The following KLRG1 variants were observed in gnomAD, a reference collection of about 807,000 sequenced individuals.
KLRG1 encodes the protein killer cell lectin-like receptor subfamily G member 1.
A neutral mutation model predicts 21.8 loss-of-function variants in KLRG1; 16 were observed. The ratio of observed to expected loss-of-function variants is 0.73; its 90% CI spans 0.50 to 1.11. The LOEUF (loss-of-function observed/expected upper bound fraction) is 1.11. Among genes scored for constraint, KLRG1 ranks in the 50% most tolerant of loss-of-function variants. The pLI is 0.00. For missense variants in KLRG1, 173 were observed against 218.3 expected (o/e 0.79, Z 1.31); for synonymous variants, 69 against 75.9 (o/e 0.91, Z 0.47).
the KLRG1 span, among the ~76,000 whole-genome samples, chr12:9,127,599 C>T: frequency 4.6e-5 from 7 of 152,232 alleles, no homozygotes; most frequent in East Asian, 1.9e-4. Flanking sequence ...ACTTTGGAGT[C>T]GGGGGCGCCT....
At chr12:9,152,465 T>C in the KLRG1 span, among the ~76,000 whole-genome samples, 3 of 152,204 alleles carry the variant, frequency 2.0e-5, no homozygotes, top group African/African-American at 4.8e-5. Context: ...AACACTGACA[T>C]TGGACACATG....
Position 8,992,221 on chromosome 12 carries a change from C to T in KLRG1, c.98C>T (p.Pro33Leu). 1 of 1,613,274 alleles carries T rather than the reference C, an allele frequency of 6.2e-7. No individual in the cohort carries two copies. Residue 33 changes from proline (P) to leucine (L), a missense_variant, in exon 2 of 5, where the codon CCT (proline) becomes CTT (leucine). This residue lies in a region of KLRG1 where 144 missense variants were observed against 161.5 expected (regional missense o/e 0.89). Transcript: ENST00000356986. ...GPQQKSSSSR[P>L]SCSCLVAIAL... is the part of the protein sequence containing the mutation. ...GTTGTTGCAGCTTCCTCTTCCAGGC[C>T]TTCTTGTTCTTGCCTTGTGGCAATA...
the KLRG1 span, among the ~76,000 whole-genome samples, chr12:9,134,800 A>G: frequency 6.6e-6 from 1 of 152,332 alleles, no homozygotes. Flanking sequence ...TGGGATCTTC[A>G]GAGGCTCTGC....
chr12:8,994,726 A>C (rs1947077082), intron 2 of KLRG1, among the ~76,000 whole-genome samples: 1 of 152,244 alleles, frequency 6.6e-6, no homozygotes, highest in Non-Finnish European at 1.5e-5. Context: ...ATATATACAC[A>C]GAGCAAAGAC....
the KLRG1 span, among the ~76,000 whole-genome samples, chr12:9,140,235 G>A: frequency 2.0e-5 from 3 of 152,210 alleles, no homozygotes; most frequent in African/African-American, 7.2e-5. Context: ...ATTAGGCAGG[G>A]TAAGAACATT....
chr12:9,106,630 A>G, the KLRG1 span: 1 of 1,276,624 alleles, frequency 7.8e-7, no homozygotes, highest in Non-Finnish European at 1.1e-6. Context: ...AATAAAATAC[A>G]AAAATATAAT....
the KLRG1 span, chr12:9,135,038 G>C: frequency 1.8e-5 from 3 of 165,970 alleles, no homozygotes; most frequent in Non-Finnish European, 4.0e-5. Context: ...GAGCCCCGGC[G>C]TTCCCGGGCC....
the KLRG1 span, among the ~76,000 whole-genome samples, chr12:9,120,915 C>G: frequency 2.0e-5 from 3 of 147,534 alleles, no homozygotes; most frequent in Non-Finnish European, 4.5e-5. Flanking sequence ...GGGTCTTGCT[C>G]TGTTGCCCAG....
At chr12:9,144,430 C>G in the KLRG1 span, among the ~76,000 whole-genome samples, 2 of 152,048 alleles carry the variant, frequency 1.3e-5, no homozygotes, top group South Asian at 2.1e-4. Flanking sequence ...CTCTCAGGAT[C>G]CAGTGGGATG....
the KLRG1 span, chr12:9,079,716 T>C: frequency 1.4e-4 from 231 of 1,613,544 alleles, no homozygotes; most frequent in Middle Eastern, 1.6e-4. Flanking sequence ...ATCCAGTACA[T>C]AGATGTTAGG....
At chr12:9,034,892 G>A in the KLRG1 span, among the ~76,000 whole-genome samples, 6 of 152,310 alleles carry the variant, frequency 3.9e-5, no homozygotes, top group Non-Finnish European at 5.9e-5. Flanking sequence ...AGCTTCATGC[G>A]TGTTACTGCC....
chr12:9,162,031 G>A, the KLRG1 span, among the ~76,000 whole-genome samples: 7 of 151,890 alleles, frequency 4.6e-5, no homozygotes, highest in African/African-American at 7.3e-5. Flanking sequence ...GTGTGATTTC[G>A]GCTCACTGCA....
the KLRG1 span, among the ~76,000 whole-genome samples, chr12:9,132,875 T>C: frequency 1.3e-5 from 2 of 152,218 alleles, no homozygotes; most frequent in Non-Finnish European, 2.9e-5. Context: ...TATCCAATTA[T>C]GAAACACTAC....
chr12:9,094,732 T>C, the KLRG1 span, among the ~76,000 whole-genome samples: 1 of 152,144 alleles, frequency 6.6e-6, no homozygotes, highest in African/African-American at 2.4e-5. Flanking sequence ...GTGTGAACAT[T>C]TCTATTTCTG....
chr12:9,004,810 T>C (rs942520286), intron 3 of KLRG1, among the ~76,000 whole-genome samples: 12 of 150,856 alleles, frequency 8.0e-5, no homozygotes, highest in Non-Finnish European at 1.6e-4. Context: ...TTTATATATT[T>C]TTCTAGGTGC....
At chr12:9,209,996 T>G in the KLRG1 span, among the ~76,000 whole-genome samples, 2 of 152,238 alleles carry the variant, frequency 1.3e-5, no homozygotes, top group Admixed American at 1.3e-4. Flanking sequence ...CTTCATAGTT[T>G]TCAACATTAC....
the KLRG1 span, chr12:9,065,720 C>A: frequency 6.6e-6 from 1 of 152,374 alleles, no homozygotes; most frequent in African/African-American, 2.4e-5. Flanking sequence ...TTGAAGCCTG[C>A]AGACCAGAGA....
the KLRG1 span, chr12:9,093,666 A>C: frequency 4.0e-6 from 3 of 745,322 alleles, no homozygotes; most frequent in South Asian, 3.0e-5. Context: ...AAAAAAAAAA[A>C]CAAAAAACAA....
At chr12:9,067,956 G>GA in the KLRG1 span, 11 of 1,093,482 alleles carry the variant, frequency 1.0e-5, 1 homozygote, top group Non-Finnish European at 9.6e-6. Context: ...AGTACAGTGG[G>GA]AAACCAAATC....
Sources: gnomAD v4.1 joint callset for allele counts (sites outside exome capture counted in the v4.1 genomes callset) on GRCh38, gnomAD v4.1.1 for gene constraint, gnomAD v4.1.1 regional missense constraint, MANE v1.5 for transcripts, NCBI Gene and HGNC (gene_info 2026-07-23, HGNC 2026-07-21) for gene names.